Variants in TMEM222 observed in about 807,000 individuals in gnomAD.
TMEM222 encodes the protein transmembrane protein 222.
In TMEM222, 18 loss-of-function variants were observed where a neutral mutation model predicts 25.1. The ratio of observed to expected loss-of-function variants is 0.72; its 90% CI spans 0.50 to 1.06. The LOEUF is 1.06. TMEM222 is among the 50% of genes least tolerant of loss of function. TMEM222 has a pLI of 0.00. For missense variants in TMEM222, 296 were observed against 293.7 expected (o/e 1.01, Z -0.06); for synonymous variants, 131 against 117.9 (o/e 1.11, Z -0.72).
intron 1 of TMEM222, chr1:27,325,534 T>C: frequency 7.0e-7 from 1 of 1,428,266 alleles, no homozygotes; most frequent in Non-Finnish European, 9.9e-7. Flanking sequence ...GACGTAGACA[T>C]CCGCAAAGAC....
At chr1:27,330,844 T>G in intron 2 of TMEM222, 40 bp downstream of exon 2, 1 of 1,609,454 alleles carries the variant, frequency 6.2e-7, no homozygotes, top group Non-Finnish European at 8.5e-7. Flanking sequence ...TTCCAAGGTT[T>G]AAGTGGAAGG....
chr1:27,329,309 CAT>C (rs751746413), intron 1 of TMEM222, among the ~76,000 whole-genome samples: 1 of 151,860 alleles, frequency 6.6e-6, no homozygotes, highest in African/African-American at 2.4e-5. Context: ...ATCACACACT[CAT>C]GTAACCGCCA....
intron 1 of TMEM222, among the ~76,000 whole-genome samples, chr1:27,329,184 T>C (rs1163906297): frequency 6.6e-6 from 1 of 151,908 alleles, no homozygotes; most frequent in African/African-American, 2.4e-5. Flanking sequence ...CCCCCACCCA[T>C]ACTGGTGTCA....
At chr1:27,325,460 T>G in intron 1 of TMEM222, 1 of 1,361,482 alleles carries the variant, frequency 7.3e-7, no homozygotes, top group South Asian at 1.2e-5. Flanking sequence ...TGTTCCAGCC[T>G]TCCTTCCTGG....
rs572146095 is a variant in TMEM222 at position 27,335,514 on chromosome 1, G to C, written c.*48G>C. 1.3e-5 allele frequency: 20 copies of C among 1,588,506 alleles called. No individual in the cohort carries two copies. Among genetic ancestry groups the C allele is most frequent in the Admixed American group, 1.7e-5 (1 of 59,826 alleles). On this transcript the variant is annotated 3_prime_UTR_variant, in exon 6 of 6. Transcript: ENST00000374076. Reference sequence around the variant, plus strand: ...CCACCAGGGTCCCGAGGAAACAGCCGCCATCCCTTTTGGTTCCAGATTTTT... The same window carrying C: ...CCACCAGGGTCCCGAGGAAACAGCCCCCATCCCTTTTGGTTCCAGATTTTT...
rs1390376631 is a variant in TMEM222 at position 27,322,217 on chromosome 1, G to T, written c.20G>T (p.Ser7Ile). MAEAEG[S>I]SLLLLPPPPP... ...CGCCGCATGGCGGAAGCGGAAGGGA[G>T]TTCTCTGCTCTTGTTGCCGCCGCCG... The change falls in exon 1 of 6, where the codon AGT (serine) becomes ATT (isoleucine). Residue 7 changes from serine to isoleucine, a missense_variant. Coordinates refer to ENST00000374076, the MANE Select transcript of TMEM222 (RefSeq NM_032125.3). 7.0e-7 allele frequency: 1 copy of T among 1,427,090 alleles called. No individual in the cohort carries two copies. Among genetic ancestry groups the T allele is most frequent in the Admixed American group, 3.0e-5 (1 of 33,610 alleles). 88.4% of individuals were successfully genotyped at this position (1,427,090 alleles called of 1,614,324 possible). A position where few individuals can be genotyped will look rare whatever the true frequency, so the allele number is the denominator to read the frequency against.
chr1:27,329,257 G>A (rs189283193), intron 1 of TMEM222, among the ~76,000 whole-genome samples: 67 of 150,520 alleles, frequency 4.5e-4, no homozygotes, highest in African/African-American at 1.4e-3. Context: ...TGTACCAAAC[G>A]GTGTGCGAAT....
In TMEM222 at chr1:27,333,995, G is replaced by A. The variant is rs139999505; in HGVS notation, c.349G>A (p.Gly117Arg). ...KLDPAQVYAS[G>R]PNAWDTAVHD... The stretch of plus-strand genomic sequence containing the variant: ...GGACCCTGCTCAGGTCTATGCTAGC[G>A]GGCCCAACGCATGGGACACGGCTGT... The change falls in exon 4 of 6, where the codon GGG becomes AGG. Residue 117 changes from glycine to arginine, a missense_variant. By Grantham distance (125) the Gly-to-Arg change is moderately radical. Transcript: ENST00000374076. The A allele has an allele frequency of 4.3e-4, 700 of 1,614,116 alleles. No homozygotes were observed. The highest frequency in any genetic ancestry group is 8.2e-4 in the Admixed American group (49 of 60,020).
At chr1:27,325,552 C>G in intron 1 of TMEM222, 3 of 1,286,742 alleles carry the variant, frequency 2.3e-6, no homozygotes, top group Non-Finnish European at 3.4e-6. Flanking sequence ...GACCTGTACA[C>G]CAACATAGGG....
At chr1:27,324,386 T>C (rs2014288855) in intron 1 of TMEM222, among the ~76,000 whole-genome samples, 1 of 152,224 alleles carries the variant, frequency 6.6e-6, no homozygotes, top group Non-Finnish European at 1.5e-5. Flanking sequence ...TTAAAACCTG[T>C]CTTGTGATCC....
At chr1:27,334,959 C>A in intron 5 of TMEM222, 1 of 401,916 alleles carries the variant, frequency 2.5e-6, no homozygotes, top group Non-Finnish European at 3.8e-6. Flanking sequence ...CTGACCCTTG[C>A]CAGCCCCAGA....
intron 1 of TMEM222, among the ~76,000 whole-genome samples, chr1:27,326,960 G>C (rs1015904155): frequency 6.6e-6 from 1 of 150,712 alleles, no homozygotes; most frequent in Non-Finnish European, 1.5e-5. Context: ...CAGCTGTGGC[G>C]TGTGGAATCC....
chr1:27,322,271 A>G lies in TMEM222; in HGVS notation c.74A>G (p.Glu25Gly). The G allele has an allele frequency of 1.3e-6, 2 of 1,544,632 alleles. No individual in the cohort carries two copies. Among genetic ancestry groups the G allele is most frequent in the Non-Finnish European group, 1.8e-6 (2 of 1,142,702 alleles). Residue 25 changes from glutamate to glycine, a missense_variant, in exon 1 of 6, where the codon GAG becomes GGG. By Grantham distance (98) the Glu-to-Gly change is moderately conservative. Coordinates refer to ENST00000374076, the MANE Select transcript of TMEM222 (RefSeq NM_032125.3). Reference protein sequence around the residue: ...PPPPPRMAEVEAPTAAETDMK... With the variant: ...PPPPPRMAEVGAPTAAETDMK... ...CCCCCGCCCAGGATGGCGGAAGTGGAGGCGCCGACGGCGGCCGAGACGGAC... is the reference window on the plus strand; with the variant it reads ...CCCCCGCCCAGGATGGCGGAAGTGGGGGCGCCGACGGCGGCCGAGACGGAC...
At chr1:27,326,551 A>G (rs140821169) in intron 1 of TMEM222, among the ~76,000 whole-genome samples, 200 of 152,348 alleles carry the variant, frequency 1.3e-3, no homozygotes, top group African/African-American at 4.6e-3. Flanking sequence ...AAAAGAAACT[A>G]GTTTAATAGC....
At chr1:27,325,350 A>T (rs1463184254) in intron 1 of TMEM222, 2 of 811,638 alleles carry the variant, frequency 2.5e-6, no homozygotes, top group Non-Finnish European at 4.3e-6. Context: ...CGAGCAGGAG[A>T]TGGCCACTAC....
chr1:27,334,681 A>T, intron 5 of TMEM222: 1 of 1,393,568 alleles, frequency 7.2e-7, no homozygotes, highest in South Asian at 1.3e-5. Context: ...CTTCCTAGGC[A>T]GAGAGATTGA....
At chr1:27,329,785 A>G (rs1212999420) in intron 1 of TMEM222, among the ~76,000 whole-genome samples, 3 of 152,262 alleles carry the variant, frequency 2.0e-5, no homozygotes, top group Admixed American at 1.3e-4. Flanking sequence ...GGCATTTAGT[A>G]TAGTGCCAAA....
rs1450060621 is a variant in TMEM222 at position 27,335,496 on chromosome 1, G to C, written c.*30G>C. 6.2e-7 allele frequency: 1 copy of C among 1,609,328 alleles called. No individual in the cohort carries two copies. Among genetic ancestry groups the C allele is most frequent in the African/African-American group, 1.3e-5 (1 of 74,976 alleles). On this transcript the variant is annotated 3_prime_UTR_variant, in exon 6 of 6. Transcript: ENST00000374076. The stretch of plus-strand genomic sequence containing the variant: ...TGCTCGGTGGCCCCACACCCACCAG[G>C]GTCCCGAGGAAACAGCCGCCATCCC...
intron 3 of TMEM222, chr1:27,333,122 C>G (rs1481199681): frequency 5.7e-6 from 2 of 352,118 alleles, no homozygotes; most frequent in Non-Finnish European, 1.1e-5. Context: ...GGGGAGAGTG[C>G]TTGCTGCTGG....
Sources: gnomAD v4.1 joint callset for allele counts (sites outside exome capture counted in the v4.1 genomes callset) on GRCh38, gnomAD v4.1.1 for gene constraint, MANE v1.5 for transcripts, NCBI Gene and HGNC (gene_info 2026-07-23, HGNC 2026-07-21) for gene names.